The following BTBD7 variants were observed in gnomAD, a reference collection of about 807,000 sequenced individuals.
BTBD7 encodes the protein BTB domain containing 7.
BTBD7 carries 38 observed loss-of-function variants against 99.9 expected under a neutral mutation model. The ratio of observed to expected loss-of-function variants is 0.38; its 90% CI spans 0.29 to 0.50. The LOEUF is 0.50. Ranked by LOEUF, BTBD7 falls within the 20% of genes least tolerant of loss-of-function variation. The probability of loss-of-function intolerance (pLI) is 0.93; values close to 1 mark genes in which losing one functional copy is unlikely to be tolerated. For missense variants in BTBD7, 1,170 were observed against 1,394.6 expected (o/e 0.84, Z 2.57); for synonymous variants, 520 against 511.4 (o/e 1.02, Z -0.23).
chr14:93,278,660 TAAAAAAGTAG>T (rs2052682696), intron 3 of BTBD7, among the ~76,000 whole-genome samples: 1 of 152,124 alleles, frequency 6.6e-6, no homozygotes, highest in Non-Finnish European at 1.5e-5. Context: ...ATCTAAACAT[TAAAAAAGTAG>T]AGTGGAAGTA....
chr14:93,262,164 G>T (rs150231067), intron 4 of BTBD7, among the ~76,000 whole-genome samples: 2 of 146,392 alleles, frequency 1.4e-5, no homozygotes, highest in Non-Finnish European at 3.0e-5. Flanking sequence ...AGGGAGTCTC[G>T]CGCTGTTGCC....
In BTBD7 at chr14:93,286,999, G is replaced by A. The variant is rs544166200; in HGVS notation, c.1162+6859C>T. ...ATGCCTGTAATACCAGCACTGAGGC[G>A]GGTGGATCACCTGAGGTCAGGAGTT... On this transcript the variant is annotated intron_variant, in intron 3 of 10. Coordinates refer to ENST00000334746, the MANE Select transcript of BTBD7 (RefSeq NM_001002860.4). 1.7e-4 allele frequency among the ~76,000 whole-genome samples: 22 copies of A among 129,002 alleles called. 1 individual carries two copies. The highest frequency in any genetic ancestry group is 1.0e-3 in the East Asian group (5 of 4,886). 84.6% of individuals were successfully genotyped at this position (129,002 alleles called of 152,430 possible). A position where few individuals can be genotyped will look rare whatever the true frequency, so the allele number is the denominator to read the frequency against.
chr14:93,305,619 A>G (rs2053061002), intron 1 of BTBD7, among the ~76,000 whole-genome samples: 1 of 152,200 alleles, frequency 6.6e-6, no homozygotes, highest in South Asian at 2.1e-4. Flanking sequence ...GGGAGAGGAT[A>G]TTACAGTTTA....
intron 1 of BTBD7, among the ~76,000 whole-genome samples, chr14:93,315,351 CTAGGAAGCGAGATGGA>C (rs1430539220): frequency 1.3e-5 from 2 of 152,164 alleles, no homozygotes; most frequent in Non-Finnish European, 2.9e-5. Context: ...CCTGCTGTTG[CTAGGAAGCGAGATGGA>C]TAAATTTTCC....
chr14:93,266,621 G>A (rs1172646419), intron 3 of BTBD7, among the ~76,000 whole-genome samples: 1 of 152,014 alleles, frequency 6.6e-6, no homozygotes, highest in Non-Finnish European at 1.5e-5. Context: ...TTAAAAAAAG[G>A]ATCCTTCTAG....
intron 1 of BTBD7, among the ~76,000 whole-genome samples, chr14:93,314,614 G>C (rs925442439): frequency 6.6e-6 from 1 of 152,056 alleles, no homozygotes; most frequent in Non-Finnish European, 1.5e-5. Context: ...AAATAGCACT[G>C]CAAGTCTTTT....
rs530833954 is a variant in BTBD7 at position 93,291,952 on chromosome 14, C to T, written c.1162+1906G>A. 3.9e-5 allele frequency among the ~76,000 whole-genome samples: 6 copies of T among 152,144 alleles called. No homozygotes were observed. The East Asian group carries it at 7.7e-4, about 20-fold the overall frequency. Reference sequence around the variant, plus strand: ...CTGTAATCCCAGCACCTTGGGAGGCCGAGGCAGGTGGATCACCTGAGGTTA... The same window carrying T: ...CTGTAATCCCAGCACCTTGGGAGGCTGAGGCAGGTGGATCACCTGAGGTTA... On this transcript the variant is annotated intron_variant, in intron 3 of 10. Coordinates refer to ENST00000334746, the MANE Select transcript of BTBD7 (RefSeq NM_001002860.4).
At chr14:93,292,739 C>T (rs1433648314) in intron 3 of BTBD7, among the ~76,000 whole-genome samples, 1 of 152,072 alleles carries the variant, frequency 6.6e-6, no homozygotes, top group Non-Finnish European at 1.5e-5. Flanking sequence ...TCACTGCAGC[C>T]CTGAACTCCT....
At position 93,294,143 on chromosome 14, in the gene BTBD7, G is replaced by C. The variant is rs777116802; in HGVS notation, c.877C>G (p.Gln293Glu). Residue 293 changes from glutamine (Q) to glutamate (E), a missense_variant, in exon 3 of 11, where the codon CAA becomes GAA. By Grantham distance (29) the Gln-to-Glu change is conservative. This residue lies in a region of BTBD7 where 359 missense variants were observed against 497.9 expected (regional missense o/e 0.72). Coordinates refer to ENST00000334746, the MANE Select transcript of BTBD7 (RefSeq NM_001002860.4). ...ARSPFFRNLLQRRIRTGEEIT... is the reference protein window; with the variant it reads ...ARSPFFRNLLERRIRTGEEIT... ...TCTTCACCAGTTCGTATCCTCCTTT[G>C]TAATAAATTTCGAAAAAATGGGGAC... The C allele has an allele frequency of 1.2e-5, 19 of 1,614,166 alleles. No homozygotes were observed. Among genetic ancestry groups the C allele is most frequent in the Non-Finnish European group, 1.5e-5 (18 of 1,180,026 alleles).
intron 3 of BTBD7, among the ~76,000 whole-genome samples, chr14:93,284,895 T>C (rs913159470): frequency 3.9e-5 from 6 of 151,980 alleles, no homozygotes; most frequent in African/African-American, 7.2e-5. Flanking sequence ...GTTTGTAGTC[T>C]ATGAAAAATG....
intron 3 of BTBD7, among the ~76,000 whole-genome samples, chr14:93,280,589 G>A (rs2052707264): frequency 2.0e-5 from 3 of 152,162 alleles, no homozygotes; most frequent in South Asian, 2.1e-4. Flanking sequence ...ACCTAAGTAT[G>A]AGATACATAA....
At chr14:93,328,439 C>T (rs2053358382) in intron 1 of BTBD7, among the ~76,000 whole-genome samples, 1 of 151,968 alleles carries the variant, frequency 6.6e-6, no homozygotes, top group African/African-American at 2.4e-5. Flanking sequence ...GAATACACAG[C>T]CCAGAAATAA....
rs771690645 is a variant in BTBD7, at chr14:93,246,123, G to T, written c.2285C>A (p.Pro762Gln). The T allele has an allele frequency of 6.2e-7, 1 of 1,613,900 alleles. No individual in the cohort carries two copies. The highest frequency in any genetic ancestry group is 8.5e-7 in the Non-Finnish European group (1 of 1,179,912). ...GGTAGCTGGGGGGTGGTAGGGAGGT[G>T]GTGGAGGGGGCAAGGGTGGATGGAA... is the stretch of plus-strand genomic sequence containing the variant. Reference protein sequence around the residue: ...VAFHPPLPPPPPPYHPPATPI... With the variant: ...VAFHPPLPPPQPPYHPPATPI... The change falls in exon 10 of 11, where the codon CCA (proline) becomes CAA (glutamine). Residue 762 changes from proline to glutamine, a missense_variant. Physicochemically the swap from Pro to Gln is moderately conservative, Grantham distance 76. Coordinates refer to ENST00000334746, the MANE Select transcript of BTBD7 (RefSeq NM_001002860.4).
intron 1 of BTBD7, among the ~76,000 whole-genome samples, chr14:93,300,772 G>GTGTGTGTGTGTGTGTGTGTATA (rs1438410480): frequency 1.5e-5 from 1 of 67,884 alleles, no homozygotes; most frequent in Non-Finnish European, 2.6e-5. Flanking sequence ...GTGTGTGTGT[G>GTGTGTGTGTGTGTGTGTGTATA]TATATATATA....
At chr14:93,251,949 A>G (rs2052372038) in intron 7 of BTBD7, among the ~76,000 whole-genome samples, 1 of 152,244 alleles carries the variant, frequency 6.6e-6, no homozygotes, top group Non-Finnish European at 1.5e-5. Flanking sequence ...CAATATTATA[A>G]TAAAACAATG....
chr14:93,258,844 C>G (rs2052458710), intron 5 of BTBD7, among the ~76,000 whole-genome samples: 1 of 152,200 alleles, frequency 6.6e-6, no homozygotes, highest in South Asian at 2.1e-4. Context: ...CTTGGCCTTC[C>G]AAAGTGCTGG....
intron 5 of BTBD7, 133 bp downstream of exon 5, chr14:93,261,469 C>T: frequency 1.4e-6 from 1 of 735,770 alleles, no homozygotes; most frequent in Non-Finnish European, 2.4e-6. Context: ...AAGGATTTTG[C>T]TGGTGGTAAA....
chr14:93,311,661 T>C (rs2053139261), intron 1 of BTBD7, among the ~76,000 whole-genome samples: 1 of 152,120 alleles, frequency 6.6e-6, no homozygotes, highest in Non-Finnish European at 1.5e-5. Context: ...GCCTACATAA[T>C]AGTTTATCAC....
chr14:93,329,181 C>CA (rs927802382), intron 1 of BTBD7, among the ~76,000 whole-genome samples: 60 of 147,524 alleles, frequency 4.1e-4, no homozygotes, highest in African/African-American at 9.6e-4. Context: ...CACTCAACAA[C>CA]AAAAAAAAAT....
Sources: gnomAD v4.1 joint callset for allele counts (sites outside exome capture counted in the v4.1 genomes callset) on GRCh38, gnomAD v4.1.1 for gene constraint, gnomAD v4.1.1 regional missense constraint, MANE v1.5 for transcripts, NCBI Gene and HGNC (gene_info 2026-07-23, HGNC 2026-07-21) for gene names.